Variants in PLCL1 observed in about 807,000 individuals in gnomAD.
The protein encoded by PLCL1 is phospholipase C like 1 (inactive), also known as inactive phospholipase C-like protein 1.
Under a neutral mutation model 84.4 loss-of-function variants are expected in PLCL1, and 41 were observed. That is an observed-to-expected ratio of 0.49 (90% CI 0.38 to 0.63). The LOEUF is 0.63. Ranked by LOEUF, PLCL1 falls within the 30% of genes least tolerant of loss-of-function variation. The pLI, the probability that PLCL1 is intolerant of heterozygous loss-of-function variation, is 0.00. For missense variants in PLCL1, 1,206 were observed against 1,367.8 expected, an observed-to-expected ratio of 0.88 and a Z score of 1.87; for synonymous variants, 490 against 488.3, an observed-to-expected ratio of 1.00 and a Z score of -0.05.
intron 1 of PLCL1, among the ~76,000 whole-genome samples, chr2:197,958,525 A>G (rs1559056344): frequency 6.6e-6 from 1 of 152,080 alleles, no homozygotes; most frequent in Admixed American, 6.6e-5. Context: ...AATTGCATTA[A>G]ATGAAACACA....
At chr2:197,887,205 A>G (rs971712992) in intron 1 of PLCL1, among the ~76,000 whole-genome samples, 1 of 152,184 alleles carries the variant, frequency 6.6e-6, no homozygotes, top group African/African-American at 2.4e-5. Context: ...AATGAGGAGT[A>G]AACTACAATA....
intron 1 of PLCL1, among the ~76,000 whole-genome samples, chr2:197,941,762 T>A (rs1316265654): frequency 2.0e-5 from 3 of 152,212 alleles, no homozygotes; most frequent in Non-Finnish European, 4.4e-5. Context: ...TTTCTCTCTC[T>A]CTCTCTCCCA....
intron 5 of PLCL1, among the ~76,000 whole-genome samples, chr2:198,128,557 C>T (rs981624226): frequency 2.0e-5 from 3 of 152,102 alleles, no homozygotes; most frequent in African/African-American, 7.2e-5. Context: ...ATCACAGGAT[C>T]AGATGGGCCA....
intron 5 of PLCL1, 26 bp from the exon 6 acceptor site, chr2:198,146,754 T>G: frequency 6.3e-7 from 1 of 1,596,606 alleles, no homozygotes; most frequent in Non-Finnish European, 8.6e-7. Context: ...CTGTCTTCTT[T>G]GATGCCTGTT....
chr2:198,144,543 T>C (rs1489839505), intron 5 of PLCL1, among the ~76,000 whole-genome samples: 2 of 152,206 alleles, frequency 1.3e-5, no homozygotes, highest in Non-Finnish European at 2.9e-5. Context: ...ATCATTGTGA[T>C]TCCTATACTT....
In PLCL1 at chr2:198,138,435, C is replaced by T. The variant is rs534888751; in HGVS notation, c.3106-8345C>T. Among the ~76,000 whole-genome samples, 43 of 152,284 alleles carry T rather than the reference C, an allele frequency of 2.8e-4. No individual in the cohort carries two copies. The South Asian group carries it at 8.5e-3, about 30-fold the overall frequency. On this transcript the variant is annotated intron_variant, in intron 5 of 5. Coordinates refer to ENST00000428675, the MANE Select transcript of PLCL1 (RefSeq NM_006226.4). Reference sequence around the variant, plus strand: ...TCACCTCCCACCAAATCCCCTCCTGCAACACCAGGGTTTACAATTCAACAT... The same window carrying T: ...TCACCTCCCACCAAATCCCCTCCTGTAACACCAGGGTTTACAATTCAACAT...
At chr2:197,834,101 T>C (rs1691130347) in intron 1 of PLCL1, among the ~76,000 whole-genome samples, 1 of 152,230 alleles carries the variant, frequency 6.6e-6, no homozygotes, top group Admixed American at 6.5e-5. Flanking sequence ...TTGGGAAAAC[T>C]GGCTCGCCAT....
At chr2:197,832,587 G>C (rs1691090670) in intron 1 of PLCL1, among the ~76,000 whole-genome samples, 1 of 152,128 alleles carries the variant, frequency 6.6e-6, no homozygotes, top group Admixed American at 6.6e-5. Context: ...AGAGGAGTTG[G>C]TACCATTCCT....
intron 1 of PLCL1, among the ~76,000 whole-genome samples, chr2:198,079,245 A>G (rs1227362256): frequency 6.6e-6 from 1 of 151,582 alleles, no homozygotes; most frequent in Non-Finnish European, 1.5e-5. Context: ...CTTTGTTTCC[A>G]ATTTTAGTTT....
At chr2:197,920,079 A>T (rs1688675313) in intron 1 of PLCL1, among the ~76,000 whole-genome samples, 1 of 152,128 alleles carries the variant, frequency 6.6e-6, no homozygotes, top group Admixed American at 6.5e-5. Context: ...GCACAAAGTC[A>T]ATAGCAACTG....
At chr2:198,031,070 T>C (rs1193632283) in intron 1 of PLCL1, among the ~76,000 whole-genome samples, 2 of 152,094 alleles carry the variant, frequency 1.3e-5, no homozygotes, top group Non-Finnish European at 2.9e-5. Flanking sequence ...ACTAATATAA[T>C]GTTAAATAAA....
chr2:197,869,198 T>A (rs184468509), intron 1 of PLCL1, among the ~76,000 whole-genome samples: 2 of 152,234 alleles, frequency 1.3e-5, no homozygotes, highest in African/African-American at 4.8e-5. Flanking sequence ...TAACTGAGTT[T>A]GAATTAAAAC....
intron 1 of PLCL1, among the ~76,000 whole-genome samples, chr2:197,806,299 T>TAC (rs766071133): frequency 6.6e-5 from 10 of 152,016 alleles, no homozygotes; most frequent in East Asian, 1.9e-4. Context: ...TGTGTGTACA[T>TAC]ACACACACAC....
At chr2:198,010,333 A>T (rs1690837972) in intron 1 of PLCL1, among the ~76,000 whole-genome samples, 1 of 151,932 alleles carries the variant, frequency 6.6e-6, no homozygotes, top group African/African-American at 2.4e-5. Context: ...ATGTTGAGGT[A>T]GTTTCCTTCT....
intron 1 of PLCL1, among the ~76,000 whole-genome samples, chr2:197,865,282 A>G (rs940631964): frequency 1.3e-5 from 2 of 152,206 alleles, no homozygotes; most frequent in Admixed American, 1.3e-4. Context: ...ATGGTGAGTT[A>G]TAGGTTGTAT....
chr2:198,129,961 A>G (rs1694079729), intron 5 of PLCL1, among the ~76,000 whole-genome samples: 1 of 152,050 alleles, frequency 6.6e-6, no homozygotes, highest in Admixed American at 6.6e-5. Context: ...ACTAGTTGGG[A>G]ACATTCTACG....
intron 1 of PLCL1, among the ~76,000 whole-genome samples, chr2:198,027,238 A>C (rs1283654756): frequency 6.6e-6 from 1 of 152,206 alleles, no homozygotes; most frequent in African/African-American, 2.4e-5. Flanking sequence ...AATTATGCTT[A>C]GTGAGATCAA....
chr2:197,833,907 T>C (rs1276772336), intron 1 of PLCL1, among the ~76,000 whole-genome samples: 1 of 152,174 alleles, frequency 6.6e-6, no homozygotes, highest in African/African-American at 2.4e-5. Context: ...GCTACCTGAC[T>C]TCAAACTGTA....
intron 5 of PLCL1, among the ~76,000 whole-genome samples, chr2:198,118,496 A>G (rs933443959): frequency 6.6e-6 from 1 of 152,004 alleles, no homozygotes; most frequent in Non-Finnish European, 1.5e-5. Context: ...ATACTCAGGA[A>G]AAGTTTTCAT....
Sources: gnomAD v4.1 joint callset for allele counts (sites outside exome capture counted in the v4.1 genomes callset) on GRCh38, gnomAD v4.1.1 for gene constraint, MANE v1.5 for transcripts, NCBI Gene and HGNC (gene_info 2026-07-23, HGNC 2026-07-21) for gene names.